CDYL2: variants seen among roughly 807,000 people sequenced by gnomAD.
CDYL2 encodes chromodomain Y-like protein 2.
In CDYL2, 23 loss-of-function variants were observed where a neutral mutation model predicts 49.4. The observed-to-expected ratio is 0.47, with a 90% confidence interval of 0.34 to 0.66. CDYL2 has a LOEUF of 0.66. Ranked by LOEUF, CDYL2 falls within the 30% of genes least tolerant of loss-of-function variation. CDYL2 has a pLI of 0.01. For missense variants in CDYL2, 678 were observed against 656.4 expected (o/e 1.03, Z -0.36); for synonymous variants, 360 against 268.8 (o/e 1.34, Z -3.32).
chr16:80,676,864 T>C (rs531531703), intron 2 of CDYL2, among the ~76,000 whole-genome samples: 2 of 152,246 alleles, frequency 1.3e-5, no homozygotes, highest in South Asian at 2.1e-4. Flanking sequence ...GGTCAGATGA[T>C]CTATTCTAGA....
intron 2 of CDYL2, among the ~76,000 whole-genome samples, chr16:80,658,806 G>A (rs188150020): frequency 6.6e-6 from 1 of 152,170 alleles, no homozygotes; most frequent in African/African-American, 2.4e-5. Context: ...GGCTCCTAGA[G>A]AAATGGCTGC....
chr16:80,704,940 T>C (rs1245910674), intron 1 of CDYL2, among the ~76,000 whole-genome samples: 2 of 152,198 alleles, frequency 1.3e-5, no homozygotes, highest in African/African-American at 4.8e-5. Flanking sequence ...GGTGGAGAAG[T>C]TGGCCAAGGT....
At chr16:80,663,272 T>C (rs1293154869) in intron 2 of CDYL2, among the ~76,000 whole-genome samples, 1 of 151,338 alleles carries the variant, frequency 6.6e-6, no homozygotes, top group Non-Finnish European at 1.5e-5. Flanking sequence ...TCATCAATCA[T>C]GTCAGGAGGT....
At chr16:80,668,979 C>T (rs11150299) in intron 2 of CDYL2, among the ~76,000 whole-genome samples, 1 of 151,626 alleles carries the variant, frequency 6.6e-6, no homozygotes, top group Admixed American at 6.6e-5. Flanking sequence ...TACAACTCAC[C>T]TATTTGTAAC....
chr16:80,751,835 G>C (rs766675904), intron 1 of CDYL2, among the ~76,000 whole-genome samples: 2 of 152,104 alleles, frequency 1.3e-5, no homozygotes, highest in Non-Finnish European at 2.9e-5. Context: ...ACTGAAAACC[G>C]GCTTCCGTCT....
At chr16:80,705,887 T>C (rs1313827338) in intron 1 of CDYL2, among the ~76,000 whole-genome samples, 2 of 152,288 alleles carry the variant, frequency 1.3e-5, no homozygotes, top group Admixed American at 6.5e-5. Flanking sequence ...CCATAGTTTA[T>C]CTCTTCTTTT....
intron 1 of CDYL2, among the ~76,000 whole-genome samples, chr16:80,690,962 C>A (rs1220607674): frequency 1.3e-5 from 2 of 152,258 alleles, no homozygotes; most frequent in African/African-American, 4.8e-5. Context: ...ATTTTGCAGA[C>A]TGCTGAAGGG....
At chr16:80,608,888 G>C (rs1906464108) in intron 5 of CDYL2, among the ~76,000 whole-genome samples, 1 of 152,208 alleles carries the variant, frequency 6.6e-6, no homozygotes, top group African/African-American at 2.4e-5. Context: ...TGCCACTTCT[G>C]CTTTCCAGCT....
At chr16:80,695,372 GCAA>G (rs1910578439) in intron 1 of CDYL2, among the ~76,000 whole-genome samples, 1 of 152,116 alleles carries the variant, frequency 6.6e-6, no homozygotes, top group South Asian at 2.1e-4. Flanking sequence ...CAACCACAAA[GCAA>G]ATGACAAGAG....
Position 80,698,518 on chromosome 16 carries a change from T to C in CDYL2, c.25-13389A>G, listed in dbSNP as rs1904285880. 2.6e-5 allele frequency among the ~76,000 whole-genome samples: 4 copies of C among 152,094 alleles called. No homozygotes were observed. The South Asian group carries it at 8.3e-4, about 32-fold the overall frequency. ...ATATGTGATACGGTTTGGATCTGTG[T>C]CCTTGCCCAAATCTCATGCTGAATT... is the stretch of plus-strand genomic sequence containing the variant. On this transcript the variant is annotated intron_variant, in intron 1 of 6. Coordinates refer to ENST00000570137, the MANE Select transcript of CDYL2 (RefSeq NM_152342.4).
At position 80,747,094 on chromosome 16, in the gene CDYL2, G is replaced by A. The variant is rs74247501; in HGVS notation, c.24+57056C>T. 2.4e-4 allele frequency among the ~76,000 whole-genome samples: 36 copies of A among 152,092 alleles called. 1 individual carries two copies. The highest frequency in any genetic ancestry group is 2.3e-3 in the East Asian group (12 of 5,178). ...ATCTGTGTGCTGTCAGTTTTCTTACGGCATAGAAATCTCTCTCTGTACTCA... is the reference window on the plus strand; with the variant it reads ...ATCTGTGTGCTGTCAGTTTTCTTACAGCATAGAAATCTCTCTCTGTACTCA... On this transcript the variant is annotated intron_variant, in intron 1 of 6. Transcript: ENST00000570137.
At chr16:80,744,089 G>A (rs922110976) in intron 1 of CDYL2, among the ~76,000 whole-genome samples, 2 of 152,142 alleles carry the variant, frequency 1.3e-5, no homozygotes, top group African/African-American at 4.8e-5. Context: ...CATTATTCCT[G>A]TTTGGAAAAT....
chr16:80,739,677 G>C (rs1350953342), intron 1 of CDYL2, among the ~76,000 whole-genome samples: 1 of 152,158 alleles, frequency 6.6e-6, no homozygotes, highest in Non-Finnish European at 1.5e-5. Flanking sequence ...ACCCACACCA[G>C]CCCATGGAAC....
At chr16:80,743,461 C>G (rs1467395597) in intron 1 of CDYL2, among the ~76,000 whole-genome samples, 1 of 147,598 alleles carries the variant, frequency 6.8e-6, no homozygotes, top group East Asian at 2.0e-4. Context: ...TTCATCAGCT[C>G]TAACAGAAGT....
intron 1 of CDYL2, among the ~76,000 whole-genome samples, chr16:80,716,691 G>A (rs1314232924): frequency 6.6e-6 from 1 of 151,770 alleles, no homozygotes; most frequent in Non-Finnish European, 1.5e-5. Context: ...TAACAGAGGG[G>A]TAATTGAATG....
intron 1 of CDYL2, among the ~76,000 whole-genome samples, chr16:80,710,838 G>A (rs1904571710): frequency 1.3e-5 from 2 of 152,106 alleles, no homozygotes; most frequent in Admixed American, 1.3e-4. Flanking sequence ...TTTCGGTTTT[G>A]TTAAAAATCA....
chr16:80,804,254 TGC>T lies in CDYL2; in HGVS notation c.-83_-82del. On this transcript the variant is annotated 5_prime_UTR_variant, in exon 1 of 7. Coordinates refer to ENST00000570137, the MANE Select transcript of CDYL2 (RefSeq NM_152342.4). The stretch of plus-strand genomic sequence containing the variant: ...GTGCGTGTGCGCGCGGGGTCCGGTG[TGC>T]GCGTGTGTGTGCGCGCGTGTGTGTG... The T allele has an allele frequency of 8.0e-7, 1 of 1,248,360 alleles. No individual in the cohort carries two copies. The allele number at this position is 1,248,360 out of a possible 1,614,324, so 77.3% of individuals were successfully genotyped here.
chr16:80,792,901 G>A (rs929086743), intron 1 of CDYL2, among the ~76,000 whole-genome samples: 1 of 152,158 alleles, frequency 6.6e-6, no homozygotes, highest in Non-Finnish European at 1.5e-5. Flanking sequence ...GGCCGACGCT[G>A]GGATATAAGG....
intron 1 of CDYL2, among the ~76,000 whole-genome samples, chr16:80,744,745 G>A (rs901129016): frequency 1.3e-5 from 2 of 152,104 alleles, no homozygotes; most frequent in Non-Finnish European, 2.9e-5. Context: ...ACACAGCAAA[G>A]GAATTTTCTG....
Sources: allele counts gnomAD v4.1 joint callset (sites outside exome capture counted in the v4.1 genomes callset), GRCh38; gene constraint gnomAD v4.1.1; transcripts MANE v1.5; gene names NCBI Gene and HGNC (gene_info 2026-07-23, HGNC 2026-07-21).